ADAMTS12: variants seen among roughly 807,000 people sequenced by gnomAD.
ADAMTS12 encodes the protein ADAM metallopeptidase with thrombospondin type 1 motif 12, also known as A disintegrin and metalloproteinase with thrombospondin motifs 12.
A neutral mutation model predicts 167.8 loss-of-function variants in ADAMTS12; 118 were observed. The observed-to-expected ratio is 0.70, with a 90% CI of 0.61 to 0.82. ADAMTS12 has a LOEUF of 0.82. Ranked by LOEUF, ADAMTS12 falls within the 40% of genes least tolerant of loss-of-function variation. The pLI is 0.00. For missense variants in ADAMTS12, 1,916 were observed against 1,998.8 expected (o/e 0.96, Z 0.79); for synonymous variants, 704 against 716.9 (o/e 0.98, Z 0.29).
chr5:33,686,958 AAG>A (rs553235125), intron 3 of ADAMTS12, among the ~76,000 whole-genome samples: 11 of 138,174 alleles, frequency 8.0e-5, no homozygotes, highest in Non-Finnish European at 9.4e-5. Flanking sequence ...GAGAGAGAGC[AAG>A]AGAGAGAGAG....
intron 18 of ADAMTS12, among the ~76,000 whole-genome samples, chr5:33,579,901 C>A (rs1440476751): frequency 6.6e-6 from 1 of 152,178 alleles, no homozygotes; most frequent in Non-Finnish European, 1.5e-5. Context: ...ATTTCTACTG[C>A]CCTTGTGGGT....
chr5:33,835,031 C>T (rs1748455825), intron 2 of ADAMTS12, among the ~76,000 whole-genome samples: 1 of 152,182 alleles, frequency 6.6e-6, no homozygotes, highest in African/African-American at 2.4e-5. Flanking sequence ...TAGTACTTTC[C>T]ATAACCCAGG....
intron 19 of ADAMTS12, among the ~76,000 whole-genome samples, chr5:33,566,317 T>A (rs920606179): frequency 6.6e-6 from 1 of 152,046 alleles, no homozygotes; most frequent in Non-Finnish European, 1.5e-5. Context: ...AATAAAAAAA[T>A]TATCTAGGTG....
At chr5:33,805,219 A>C (rs1384576473) in intron 2 of ADAMTS12, among the ~76,000 whole-genome samples, 10 of 152,190 alleles carry the variant, frequency 6.6e-5, no homozygotes, top group Admixed American at 6.5e-4. Context: ...GGCTCCCCAA[A>C]TACTTCCACT....
chr5:33,810,055 C>A (rs553637508), intron 2 of ADAMTS12, among the ~76,000 whole-genome samples: 1 of 150,650 alleles, frequency 6.6e-6, no homozygotes, highest in Non-Finnish European at 1.5e-5. Flanking sequence ...ATTACAGAGT[C>A]CTAAGAGTGC....
chr5:33,569,131 C>T (rs1179520399), intron 19 of ADAMTS12, among the ~76,000 whole-genome samples: 1 of 152,264 alleles, frequency 6.6e-6, no homozygotes, highest in African/African-American at 2.4e-5. Flanking sequence ...CTCAAGGAGG[C>T]CTGCCTGCCT....
Position 33,588,727 on chromosome 5 carries a change from T to G in ADAMTS12, c.2737A>C (p.Thr913Pro), listed in dbSNP as rs2112009736. ...AGAGCCTGCTCGTCAGAGACCATGGTCTGGATGCACAGCACGGTTCGCTTC... is the reference window on the plus strand; with the variant it reads ...AGAGCCTGCTCGTCAGAGACCATGGGCTGGATGCACAGCACGGTTCGCTTC... ...EKKRTVLCIQTMVSDEQALPP... is the reference protein window; with the variant it reads ...EKKRTVLCIQPMVSDEQALPP... Residue 913 changes from threonine to proline, a missense_variant, in exon 18 of 24, where the codon ACC (threonine) becomes CCC (proline). Coordinates refer to ENST00000504830, the MANE Select transcript of ADAMTS12 (RefSeq NM_030955.4). 2 of 1,614,082 alleles carry G rather than the reference T, an allele frequency of 1.2e-6. No homozygotes were observed. The highest frequency in any genetic ancestry group is 4.5e-5 in the East Asian group (2 of 44,858).
chr5:33,764,366 A>G (rs1036214739), intron 2 of ADAMTS12, among the ~76,000 whole-genome samples: 1 of 152,188 alleles, frequency 6.6e-6, no homozygotes, highest in Non-Finnish European at 1.5e-5. Context: ...ATTGGATGAC[A>G]TTTATCATGT....
At chr5:33,801,161 C>G (rs917918895) in intron 2 of ADAMTS12, among the ~76,000 whole-genome samples, 3 of 152,162 alleles carry the variant, frequency 2.0e-5, no homozygotes, top group Admixed American at 6.5e-5. Flanking sequence ...TTGCTAACCC[C>G]TTGATTTCAG....
chr5:33,693,554 T>C (rs1452928961), intron 3 of ADAMTS12, among the ~76,000 whole-genome samples: 2 of 152,130 alleles, frequency 1.3e-5, no homozygotes, highest in African/African-American at 4.8e-5. Flanking sequence ...CTGTTTGAAC[T>C]AAAAACAAAA....
intron 10 of ADAMTS12, among the ~76,000 whole-genome samples, chr5:33,642,559 C>G (rs779823098): frequency 7.2e-5 from 11 of 152,142 alleles, no homozygotes; most frequent in Non-Finnish European, 1.2e-4. Context: ...GCAGCTCTGG[C>G]CTTTCAAGCA....
At chr5:33,648,059 G>T (rs1167443561) in intron 9 of ADAMTS12, among the ~76,000 whole-genome samples, 2 of 152,216 alleles carry the variant, frequency 1.3e-5, no homozygotes, top group African/African-American at 2.4e-5. Context: ...AGCGAGACTT[G>T]CCTCGTCAAT....
chr5:33,532,326 C>T (rs1314764408), intron 23 of ADAMTS12, among the ~76,000 whole-genome samples: 5 of 152,172 alleles, frequency 3.3e-5, no homozygotes, highest in Non-Finnish European at 1.5e-5. Flanking sequence ...GCTCTTAGCA[C>T]TTCTCTGAGA....
At chr5:33,545,015 CTAAT>C (rs1744902234) in intron 22 of ADAMTS12, among the ~76,000 whole-genome samples, 1 of 152,322 alleles carries the variant, frequency 6.6e-6, no homozygotes, top group South Asian at 2.1e-4. Context: ...CAAATGGGAT[CTAAT>C]TAAACTAAGG....
intron 6 of ADAMTS12, among the ~76,000 whole-genome samples, chr5:33,660,141 G>C (rs77615196): frequency 0.056 from 8,526 of 152,238 alleles, 375 homozygotes; most frequent in African/African-American, 0.12. Context: ...GCTCTCCACT[G>C]TCTAGGAGCT....
chr5:33,621,807 T>C (rs1390785901), intron 14 of ADAMTS12, among the ~76,000 whole-genome samples: 1 of 152,224 alleles, frequency 6.6e-6, no homozygotes. Flanking sequence ...CTGGTTCAGA[T>C]ACAAACCAGT....
At chr5:33,637,209 C>T (rs908900963) in intron 12 of ADAMTS12, among the ~76,000 whole-genome samples, 2 of 152,122 alleles carry the variant, frequency 1.3e-5, no homozygotes, top group African/African-American at 4.8e-5. Flanking sequence ...CCCACAATGA[C>T]CTTTTCTTCG....
intron 5 of ADAMTS12, among the ~76,000 whole-genome samples, chr5:33,671,066 C>T (rs546684314): frequency 1.3e-5 from 2 of 152,084 alleles, no homozygotes; most frequent in South Asian, 4.2e-4. Context: ...CAAGTTATAT[C>T]TGGTATTATT....
intron 12 of ADAMTS12, among the ~76,000 whole-genome samples, chr5:33,631,475 T>TA (rs1739930157): frequency 4.4e-5 from 2 of 45,840 alleles, no homozygotes; most frequent in Non-Finnish European, 1.0e-4. Flanking sequence ...TGTAGAAACA[T>TA]TTTTTTTGTT....
Sources: gnomAD v4.1 joint callset for allele counts (sites outside exome capture counted in the v4.1 genomes callset) on GRCh38, gnomAD v4.1.1 for gene constraint, MANE v1.5 for transcripts, NCBI Gene and HGNC (gene_info 2026-07-23, HGNC 2026-07-21) for gene names.